Variants in FAM200B observed in about 807,000 individuals in gnomAD.
FAM200B encodes the protein zinc finger BED-type containing 11.
FAM200B carries 32 observed loss-of-function variants against 33.1 expected under a neutral mutation model. The ratio of observed to expected loss-of-function variants is 0.97; its 90% CI spans 0.73 to 1.30. The LOEUF is 1.30. Among genes scored for constraint, FAM200B ranks in the 50% most tolerant of loss-of-function variants. The pLI is 0.00. For synonymous variants in FAM200B, 240 were observed against 264.8 expected (o/e 0.91, Z 0.91); for missense variants, 741 against 754.0 (o/e 0.98, Z 0.20).
chr4:15,679,450 A>T (rs1198429426), upstream of FAM200B, among the ~76,000 whole-genome samples: 2 of 151,942 alleles, frequency 1.3e-5, no homozygotes, highest in Non-Finnish European at 2.9e-5. Context: ...TTGTTTTTGA[A>T]TTGCTTCTGT....
rs944281389 is a variant in FAM200B, at chr4:15,688,408, T to A, written c.1431T>A (p.Asn477Lys). Residue 477 changes from asparagine (N) to lysine (K), a missense_variant, in exon 2 of 2, where the codon AAT (asparagine) becomes AAA (lysine). Transcript: ENST00000422728. Reference sequence around the variant, plus strand: ...TATGGCAAGTAAGACTTAAAAGTAATCGTCCTAGCTATTACATGTTTCCAA... The same window carrying A: ...TATGGCAAGTAAGACTTAAAAGTAAACGTCCTAGCTATTACATGTTTCCAA... ...LLLWQVRLKS[N>K]RPSYYMFPRF... 1.9e-6 allele frequency: 3 copies of A among 1,548,440 alleles called. No homozygotes were observed. The African/African-American group carries it at 4.1e-5, about 21-fold the overall frequency.
the FAM200B span, among the ~76,000 whole-genome samples, chr4:15,660,334 G>A: frequency 1.3e-5 from 2 of 151,946 alleles, no homozygotes; most frequent in Non-Finnish European, 2.9e-5. Flanking sequence ...CCTCCCACAT[G>A]GCCTCCCAAA....
chr4:15,660,483 G>A, the FAM200B span, among the ~76,000 whole-genome samples: 1 of 152,150 alleles, frequency 6.6e-6, no homozygotes, highest in Non-Finnish European at 1.5e-5. Context: ...TAGAAATAGA[G>A]ATGTCATGTA....
In FAM200B at chr4:15,687,976, A is replaced by G; in HGVS notation, c.999A>G (p.Leu333=). The G allele has an allele frequency of 6.4e-7, 1 of 1,551,338 alleles. No individual in the cohort carries two copies. Among genetic ancestry groups the G allele is most frequent in the Non-Finnish European group, 8.7e-7 (1 of 1,146,734 alleles). Residue 333 remains leucine, a synonymous_variant, in exon 2 of 2, where the codon TTA becomes TTG. Coordinates refer to ENST00000422728, the MANE Select transcript of FAM200B (RefSeq NM_001145191.2). The part of the protein sequence containing the change: ...WNHCFIHREG[L]ASREIPQNLM... ...ATTGTTTTATACATCGTGAAGGTTT[A>G]GCATCCAGAGAAATTCCACAGAATC... is the stretch of plus-strand genomic sequence containing the variant.
At chr4:15,653,147 T>C in the FAM200B span, among the ~76,000 whole-genome samples, 14 of 152,100 alleles carry the variant, frequency 9.2e-5, no homozygotes, top group South Asian at 2.1e-4. Context: ...GTTCAGAAAA[T>C]TGGACTTTTA....
In FAM200B at chr4:15,688,374, C is replaced by A. The variant is rs911489318; in HGVS notation, c.1397C>A (p.Thr466Lys). 1 of 1,549,500 alleles carries A rather than the reference C, an allele frequency of 6.5e-7. No individual in the cohort carries two copies. The highest frequency in any genetic ancestry group is 1.4e-5 in the African/African-American group (1 of 72,978). ...HVERIQGFRK[T>K]LLLWQVRLKS... is the part of the protein sequence containing the mutation. Reference sequence around the variant, plus strand: ...GAACGTATCCAGGGATTTCGAAAGACATTATTGTTATGGCAAGTAAGACTT... The same window carrying A: ...GAACGTATCCAGGGATTTCGAAAGAAATTATTGTTATGGCAAGTAAGACTT... Residue 466 changes from threonine (T) to lysine (K), a missense_variant, in exon 2 of 2, where the codon ACA becomes AAA. Coordinates refer to ENST00000422728, the MANE Select transcript of FAM200B (RefSeq NM_001145191.2).
upstream of FAM200B, among the ~76,000 whole-genome samples, chr4:15,678,087 A>G (rs538742748): frequency 3.9e-5 from 6 of 152,314 alleles, no homozygotes; most frequent in African/African-American, 1.4e-4. Flanking sequence ...CTTTTCTCAT[A>G]AATTATATAT....
At chr4:15,643,109 AAAAAGT>A in the FAM200B span, among the ~76,000 whole-genome samples, 2 of 152,240 alleles carry the variant, frequency 1.3e-5, no homozygotes, top group African/African-American at 4.8e-5. Context: ...ATATTCAATA[AAAAAGT>A]AAATCTCCCT....
chr4:15,671,811 T>G, the FAM200B span, among the ~76,000 whole-genome samples: 4 of 152,212 alleles, frequency 2.6e-5, no homozygotes, highest in Non-Finnish European at 5.9e-5. Context: ...CATGAATCTT[T>G]TCTTCCACAA....
the FAM200B span, among the ~76,000 whole-genome samples, chr4:15,651,584 C>T: frequency 7.2e-5 from 11 of 151,980 alleles, no homozygotes; most frequent in African/African-American, 1.7e-4. Context: ...AGAAAAATGG[C>T]GGAGGGGGGA....
At chr4:15,646,854 A>G in the FAM200B span, among the ~76,000 whole-genome samples, 2 of 151,918 alleles carry the variant, frequency 1.3e-5, no homozygotes, top group African/African-American at 2.4e-5. Context: ...GCTTCTAGAT[A>G]TTATTTTTTT....
At chr4:15,656,153 G>A in the FAM200B span, 3 of 455,942 alleles carry the variant, frequency 6.6e-6, no homozygotes, top group Admixed American at 7.0e-5. Context: ...ATAATGGAAG[G>A]TTGGTGCGGG....
rs1719162816 is a variant in FAM200B at position 15,688,961 on chromosome 4, A to T, written c.*10A>T. The stretch of plus-strand genomic sequence containing the variant: ...AGCACACCCATCATAGTAAATAAAA[A>T]TCTTACCTAGCTTTTGTCTTTGTAT... On this transcript the variant is annotated 3_prime_UTR_variant, in exon 2 of 2. Transcript: ENST00000422728. 1 of 1,410,804 alleles carries T rather than the reference A, an allele frequency of 7.1e-7. No individual in the cohort carries two copies. The highest frequency in any genetic ancestry group is 9.3e-7 in the Non-Finnish European group (1 of 1,075,850). 87.4% of individuals were successfully genotyped at this position (1,410,804 alleles called of 1,614,324 possible).
Position 15,686,891 on chromosome 4 carries a change from G to GTTAT in FAM200B, c.-83_-80dup. On this transcript the variant is annotated 5_prime_UTR_variant, in exon 2 of 2. It introduces an in-frame stop codon into an upstream open reading frame of the 5' UTR. Coordinates refer to ENST00000422728, the MANE Select transcript of FAM200B (RefSeq NM_001145191.2). The stretch of plus-strand genomic sequence containing the variant: ...CTTTGAGTGTAGTTTTTGAAAAGAT[G>GTTAT]TTATTTAGACTGTATATTTTTTTCT... 1.6e-6 allele frequency: 1 copy of GTTAT among 627,636 alleles called. No individual in the cohort carries two copies. The highest frequency in any genetic ancestry group is 2.5e-6 in the Non-Finnish European group (1 of 400,442). The allele number at this position is 627,636 out of a possible 1,614,324, so 38.9% of individuals were successfully genotyped here. A position where few individuals can be genotyped will look rare whatever the true frequency, so the allele number is the denominator to read the frequency against.
At chr4:15,638,777 G>A in the FAM200B span, 19 of 845,592 alleles carry the variant, frequency 2.2e-5, no homozygotes, top group Middle Eastern at 3.4e-4. Context: ...TTAATGGCTC[G>A]AATGTCGTAT....
At chr4:15,640,139 C>T in the FAM200B span, among the ~76,000 whole-genome samples, 1 of 152,170 alleles carries the variant, frequency 6.6e-6, no homozygotes, top group African/African-American at 2.4e-5. Flanking sequence ...CTCTTGGGCT[C>T]AAGCAATCCT....
chr4:15,652,132 T>C, the FAM200B span, among the ~76,000 whole-genome samples: 1 of 152,152 alleles, frequency 6.6e-6, no homozygotes, highest in Non-Finnish European at 1.5e-5. Context: ...GGAGTTAACC[T>C]TGGAGAACTG....
chr4:15,656,454 T>C, the FAM200B span: 7 of 352,712 alleles, frequency 2.0e-5, no homozygotes, highest in African/African-American at 1.5e-4. Flanking sequence ...ATATGCTGTG[T>C]TCACCCTTGT....
the FAM200B span, among the ~76,000 whole-genome samples, chr4:15,643,428 G>A: frequency 1.3e-5 from 2 of 152,228 alleles, no homozygotes; most frequent in Admixed American, 1.3e-4. Flanking sequence ...ATATGTAAAT[G>A]TAATTAAGAA....
Sources: gnomAD v4.1 joint callset for allele counts (sites outside exome capture counted in the v4.1 genomes callset) on GRCh38, gnomAD v4.1.1 for gene constraint, MANE v1.5 for transcripts, NCBI Gene and HGNC (gene_info 2026-07-23, HGNC 2026-07-21) for gene names.